Variants in RBFOX3 observed in about 807,000 individuals in gnomAD.
RBFOX3 encodes RNA binding fox-1 homolog 3.
Under a neutral mutation model 48.7 loss-of-function variants are expected in RBFOX3, and 17 were observed. The observed-to-expected ratio is 0.35, with a 90% CI of 0.24 to 0.52. RBFOX3 has a LOEUF of 0.52. RBFOX3 is among the 20% of genes least tolerant of loss of function. The pLI, the probability that RBFOX3 is intolerant of heterozygous loss-of-function variation, is 0.94. For synonymous variants in RBFOX3, 212 were observed against 209.5 expected (o/e 1.01, Z -0.10); for missense variants, 382 against 497.5 (o/e 0.77, Z 2.21).
At chr17:79,114,965 A>G (rs976837659) in intron 5 of RBFOX3, among the ~76,000 whole-genome samples, 36 of 152,196 alleles carry the variant, frequency 2.4e-4, no homozygotes, top group African/African-American at 8.7e-4. Flanking sequence ...GCTGCATTAC[A>G]ACCACATAAT....
chr17:79,634,108 AG>A, the RBFOX3 span, among the ~76,000 whole-genome samples: 1 of 152,134 alleles, frequency 6.6e-6, no homozygotes, highest in African/African-American at 2.4e-5. Context: ...CAGAGGTGGG[AG>A]GGGTGGCAGC....
At chr17:79,128,808 G>A (rs1020913333) in intron 4 of RBFOX3, among the ~76,000 whole-genome samples, 13 of 152,200 alleles carry the variant, frequency 8.5e-5, no homozygotes, top group Non-Finnish European at 7.3e-5. Flanking sequence ...GGAGCTCTTC[G>A]GGAGTCATCC....
chr17:79,273,098 C>T (rs2068035433), intron 3 of RBFOX3, among the ~76,000 whole-genome samples: 1 of 152,142 alleles, frequency 6.6e-6, no homozygotes, highest in African/African-American at 2.4e-5. Context: ...AGAGTGGTGA[C>T]CTGTGACTAC....
intron 14 of RBFOX3, among the ~76,000 whole-genome samples, chr17:79,091,492 TC>T (rs1170742144): frequency 6.6e-6 from 1 of 152,102 alleles, no homozygotes; most frequent in East Asian, 1.9e-4. Context: ...AGCCAGTGTC[TC>T]CCCAGAAGCG....
At chr17:79,124,576 C>T (rs539300888) in intron 4 of RBFOX3, among the ~76,000 whole-genome samples, 3 of 152,334 alleles carry the variant, frequency 2.0e-5, no homozygotes, top group South Asian at 2.1e-4. Flanking sequence ...CTAATGTCCA[C>T]GTGTCTGGCA....
chr17:79,111,861 G>C lies in RBFOX3; in HGVS notation c.222+3633C>G, dbSNP rs542525382. ...CCCTGCTGGGGAACACAGACCCTGG[G>C]GGTGGCTCAAGGTAGTGAGATGGGG... On this transcript the variant is annotated intron_variant, in intron 5 of 14. Coordinates refer to ENST00000693108, the MANE Select transcript of RBFOX3 (RefSeq NM_001350451.2). The surrounding 1 kb of genome is among the most constrained non-coding windows in gnomAD (Gnocchi z 4.2). Among the ~76,000 whole-genome samples, 1 of 152,264 alleles carries C rather than the reference G, an allele frequency of 6.6e-6. No individual in the cohort carries two copies. The highest frequency in any genetic ancestry group is 2.4e-5 in the African/African-American group (1 of 41,474).
intron 2 of RBFOX3, among the ~76,000 whole-genome samples, chr17:79,435,440 A>C (rs1555730572): frequency 6.6e-6 from 1 of 152,200 alleles, no homozygotes; most frequent in Non-Finnish European, 1.5e-5. Flanking sequence ...CCCATGCAGG[A>C]TCTGCCGCTG....
chr17:79,641,230 C>T, the RBFOX3 span, among the ~76,000 whole-genome samples: 1 of 152,208 alleles, frequency 6.6e-6, no homozygotes, highest in African/African-American at 2.4e-5. Context: ...CAGAGAAATG[C>T]AAAGCAAAAC....
At chr17:79,152,329 G>C (rs544106746) in intron 4 of RBFOX3, among the ~76,000 whole-genome samples, 14 of 152,276 alleles carry the variant, frequency 9.2e-5, no homozygotes, top group Non-Finnish European at 1.3e-4. Flanking sequence ...CGGCTGCTTC[G>C]GGTCAGCAAA....
At chr17:79,563,937 T>A (rs1007240928) in intron 1 of RBFOX3, among the ~76,000 whole-genome samples, 2 of 152,318 alleles carry the variant, frequency 1.3e-5, no homozygotes, top group Non-Finnish European at 2.9e-5. Context: ...ATAATGATTC[T>A]AAGAAAAATG....
rs2077280928 is a variant in RBFOX3, at chr17:79,473,340, G to T, written c.-175+9114C>A. On this transcript the variant is annotated intron_variant, in intron 2 of 14. Transcript: ENST00000693108. The surrounding 1 kb of genome is among the most constrained non-coding windows in gnomAD (Gnocchi z 4.2). ...TTTGAATTCTGTATGGCCCTGGGTT[G>T]GTCATTTATCTGCAGCTCAGCTTCC... Among the ~76,000 whole-genome samples, 1 of 152,206 alleles carries T rather than the reference G, an allele frequency of 6.6e-6. No individual in the cohort carries two copies. Among genetic ancestry groups the T allele is most frequent in the Admixed American group, 6.5e-5 (1 of 15,276 alleles).
intron 1 of RBFOX3, among the ~76,000 whole-genome samples, chr17:79,554,511 T>TCTCCATCTTCACTCACA (rs1599138257): frequency 6.6e-6 from 1 of 152,078 alleles, no homozygotes; most frequent in Middle Eastern, 3.4e-3. Context: ...GACCTGGCCC[T>TCTCCATCTTCACTCACA]GCTGGCCCTT....
At chr17:79,614,847 GA>G (rs1158291147), upstream of RBFOX3, among the ~76,000 whole-genome samples, 2 of 151,436 alleles carry the variant, frequency 1.3e-5, no homozygotes, top group East Asian at 1.9e-4. Flanking sequence ...AAGAGGGGAT[GA>G]AAAAAAACTA....
chr17:79,496,108 G>A (rs2081496101), intron 1 of RBFOX3, among the ~76,000 whole-genome samples: 2 of 152,192 alleles, frequency 1.3e-5, no homozygotes, highest in Admixed American at 1.3e-4. Flanking sequence ...AAAATGGAGA[G>A]AGTCAGAGTT....
At chr17:79,245,018 T>C (rs76040170) in intron 3 of RBFOX3, among the ~76,000 whole-genome samples, 2,112 of 148,446 alleles carry the variant, frequency 0.014, 53 homozygotes, top group African/African-American at 0.05. Context: ...TTTCCCTCCT[T>C]CCTTCTTTCT....
At chr17:79,125,302 AG>A (rs1233670022) in intron 4 of RBFOX3, among the ~76,000 whole-genome samples, 1 of 152,122 alleles carries the variant, frequency 6.6e-6, no homozygotes, top group Non-Finnish European at 1.5e-5. Flanking sequence ...CCTGTGCACT[AG>A]CCCCACCACC....
intron 3 of RBFOX3, among the ~76,000 whole-genome samples, chr17:79,267,527 A>C (rs911542032): frequency 5.3e-5 from 8 of 152,092 alleles, no homozygotes; most frequent in Non-Finnish European, 2.9e-5. Flanking sequence ...ACTAACTGGG[A>C]TTATAGGCGC....
chr17:79,226,700 G>A (rs2060347157), intron 4 of RBFOX3, among the ~76,000 whole-genome samples: 1 of 152,218 alleles, frequency 6.6e-6, no homozygotes, highest in South Asian at 2.1e-4. Context: ...TTGGTAGAGT[G>A]GGGATGGCAA....
chr17:79,511,714 C>T (rs548615824), intron 1 of RBFOX3, among the ~76,000 whole-genome samples: 16 of 150,244 alleles, frequency 1.1e-4, no homozygotes, highest in Admixed American at 5.3e-4. Flanking sequence ...GACCAGGGGA[C>T]GCACACCCGG....
Sources: allele counts gnomAD v4.1 joint callset (sites outside exome capture counted in the v4.1 genomes callset), GRCh38; gene constraint gnomAD v4.1.1; non-coding constraint Gnocchi (gnomAD v3.1); transcripts MANE v1.5; gene names NCBI Gene and HGNC (gene_info 2026-07-23, HGNC 2026-07-21).